The following AGBL1 variants were observed in gnomAD, a reference collection of about 807,000 sequenced individuals.
AGBL1 encodes AGBL carboxypeptidase 1, also known as cytosolic carboxypeptidase 4.
In AGBL1, 130 loss-of-function variants were observed where a neutral mutation model predicts 118.9. The observed-to-expected ratio is 1.09, with a 90% CI of 0.95 to 1.26. The LOEUF (loss-of-function observed/expected upper bound fraction) is 1.26, where lower values mean the gene tolerates loss of function less well. Among genes scored for constraint, AGBL1 ranks in the 50% most tolerant of loss-of-function variants. The probability of loss-of-function intolerance (pLI) is 0.00; values close to 1 mark genes in which losing one functional copy is unlikely to be tolerated. For synonymous variants in AGBL1, 555 were observed against 478.9 expected, an observed-to-expected ratio of 1.16 and a Z score of -2.08; for missense variants, 1,584 against 1,298.1, an observed-to-expected ratio of 1.22 and a Z score of -3.38.
At chr15:86,537,371 C>T (rs1458470149) in intron 19 of AGBL1, among the ~76,000 whole-genome samples, 1 of 152,214 alleles carries the variant, frequency 6.6e-6, no homozygotes. Context: ...AGACAGATGG[C>T]AAAGGCCTCT....
At position 86,298,235 on chromosome 15, in the gene AGBL1, T is replaced by C. The variant is rs1300118162; in HGVS notation, c.2374+2827T>C. On this transcript the variant is annotated intron_variant, in intron 17 of 22. Transcript: ENST00000614907. ...ATAATAAAAATGTATACAGGGTACG[T>C]GTCTGTGTATAATATATATATATAT... 3.5e-5 allele frequency among the ~76,000 whole-genome samples: 3 copies of C among 85,382 alleles called. No homozygotes were observed. The East Asian group carries it at 7.6e-4, about 22-fold the overall frequency. The allele number at this position is 85,382 out of a possible 152,430, so 56.0% of individuals were successfully genotyped here.
At chr15:86,636,216 T>C (rs1275897882) in intron 21 of AGBL1, among the ~76,000 whole-genome samples, 1 of 152,046 alleles carries the variant, frequency 6.6e-6, no homozygotes, top group African/African-American at 2.4e-5. Context: ...CTTCTACAAA[T>C]TTTATAACAG....
chr15:86,940,918 T>TA (rs2080743738), intron 23 of AGBL1, among the ~76,000 whole-genome samples: 1 of 152,210 alleles, frequency 6.6e-6, no homozygotes, highest in Non-Finnish European at 1.5e-5. Flanking sequence ...GCTCTGCCTA[T>TA]AAAACCAATG....
chr15:86,499,777 A>C (rs2082897526), intron 18 of AGBL1, among the ~76,000 whole-genome samples: 1 of 151,934 alleles, frequency 6.6e-6, no homozygotes. Flanking sequence ...GCCATCTTAA[A>C]CTGCCAACAA....
intron 22 of AGBL1, among the ~76,000 whole-genome samples, chr15:86,895,506 G>A (rs1009727295): frequency 2.6e-5 from 4 of 151,548 alleles, no homozygotes; most frequent in Non-Finnish European, 4.4e-5. Context: ...TTTCTCCATG[G>A]GAAGATGTAT....
At chr15:86,269,880 C>T (rs1170193359) in intron 13 of AGBL1, 39 bp from the exon 14 acceptor site, 13 of 1,603,264 alleles carry the variant, frequency 8.1e-6, no homozygotes, top group Non-Finnish European at 1.1e-5. Flanking sequence ...ACCTGAAAGA[C>T]TTTCCAGATA....
chr15:86,495,808 T>C lies in AGBL1; in HGVS notation c.2556-27002T>C, dbSNP rs535637041. Among the ~76,000 whole-genome samples, 32 of 152,122 alleles carry C rather than the reference T, an allele frequency of 2.1e-4. No homozygotes were observed. The South Asian group carries it at 6.4e-3, about 31-fold the overall frequency. On this transcript the variant is annotated intron_variant, in intron 18 of 22. Coordinates refer to ENST00000614907, the MANE Select transcript of AGBL1 (RefSeq NM_001386094.1). ...ATAATTTTTTAAGATCAAGGTTTTT[T>C]GATGTATTATGTAGATTTTTTTATC...
At chr15:86,987,894 CAAT>C (rs1249663108) in intron 23 of AGBL1, 3 of 1,477,142 alleles carry the variant, frequency 2.0e-6, no homozygotes, top group Non-Finnish European at 2.7e-6. Flanking sequence ...TTTTCCCACT[CAAT>C]AATATGTTTT....
chr15:86,088,821 T>C (rs1381470840), intron 1 of AGBL1, among the ~76,000 whole-genome samples: 1 of 152,212 alleles, frequency 6.6e-6, no homozygotes, highest in African/African-American at 2.4e-5. Context: ...GACAGCCCAA[T>C]TAGCTACCGG....
intron 21 of AGBL1, among the ~76,000 whole-genome samples, chr15:86,592,061 A>C (rs1222806680): frequency 6.6e-6 from 1 of 152,204 alleles, no homozygotes; most frequent in South Asian, 2.1e-4. Context: ...TCAATGCATC[A>C]TATCAGGAGG....
chr15:86,594,272 T>C (rs1023565009), intron 21 of AGBL1, among the ~76,000 whole-genome samples: 15 of 152,306 alleles, frequency 9.8e-5, no homozygotes, highest in Non-Finnish European at 1.5e-4. Flanking sequence ...CATGATTTAT[T>C]ATCTTTTCAT....
chr15:87,030,151 T>A (rs2081770226), downstream of AGBL1, among the ~76,000 whole-genome samples: 1 of 152,002 alleles, frequency 6.6e-6, no homozygotes, highest in African/African-American at 2.4e-5. Context: ...TTGAAGTCAC[T>A]ATTACCACTA....
intron 22 of AGBL1, among the ~76,000 whole-genome samples, chr15:86,762,743 C>G (rs1332406061): frequency 6.6e-6 from 1 of 151,932 alleles, no homozygotes. Flanking sequence ...TCTCTGAAAA[C>G]AGAGGGCTTT....
intron 16 of AGBL1, among the ~76,000 whole-genome samples, chr15:86,292,818 A>G (rs2079568504): frequency 6.6e-6 from 1 of 152,208 alleles, no homozygotes; most frequent in Admixed American, 6.6e-5. Context: ...TCTATTGAAG[A>G]GTTGATGGGA....
Position 86,367,317 on chromosome 15 carries a change from T to A in AGBL1, c.2375-30049T>A, listed in dbSNP as rs537869419. Among the ~76,000 whole-genome samples the A allele has an allele frequency of 1.3e-3, 204 of 152,350 alleles. 6 individuals are homozygous for A. The South Asian group carries it at 0.025, about 18-fold the overall frequency. ...GAATTCTAATAGACAGTCTAGTTTA[T>A]TCCTAGAGATACAAGTTTATATGTT... On this transcript the variant is annotated intron_variant, in intron 17 of 22. Coordinates refer to ENST00000614907, the MANE Select transcript of AGBL1 (RefSeq NM_001386094.1).
At chr15:86,842,081 G>T (rs1442456866) in intron 22 of AGBL1, among the ~76,000 whole-genome samples, 1 of 119,574 alleles carries the variant, frequency 8.4e-6, no homozygotes, top group East Asian at 2.7e-4. Context: ...TGAAACTCTG[G>T]ATCTTGCAGA....
chr15:86,410,843 A>ATATATAT (rs1567242934), intron 18 of AGBL1, among the ~76,000 whole-genome samples: 4 of 72,768 alleles, frequency 5.5e-5, no homozygotes, highest in African/African-American at 2.3e-4. Context: ...TATATATATA[A>ATATATAT]TATACTATTT....
intron 24 of AGBL1, among the ~76,000 whole-genome samples, chr15:87,014,176 G>A (rs902249639): frequency 2.6e-5 from 4 of 152,152 alleles, no homozygotes; most frequent in African/African-American, 9.7e-5. Flanking sequence ...AAAGTCTTAA[G>A]TTTTATTTCC....
intron 22 of AGBL1, among the ~76,000 whole-genome samples, chr15:86,887,912 T>C (rs1218848643): frequency 6.6e-6 from 1 of 152,106 alleles, no homozygotes; most frequent in Non-Finnish European, 1.5e-5. Context: ...CATAATGATG[T>C]GTATAAGCCC....
Sources: gnomAD v4.1 joint callset for allele counts (sites outside exome capture counted in the v4.1 genomes callset) on GRCh38, gnomAD v4.1.1 for gene constraint, MANE v1.5 for transcripts, NCBI Gene and HGNC (gene_info 2026-07-23, HGNC 2026-07-21) for gene names.